CDH2: variants seen among roughly 807,000 people sequenced by gnomAD.
CDH2 encodes cadherin 2, also known as cadherin-2.
Under a neutral mutation model 92.0 loss-of-function variants are expected in CDH2, and 17 were observed. That is an observed-to-expected ratio of 0.18 (90% CI 0.13 to 0.28). The LOEUF (loss-of-function observed/expected upper bound fraction) is 0.28. Among genes scored for constraint, CDH2 ranks in the 10% least tolerant of loss-of-function variants. The probability of loss-of-function intolerance (pLI) is 1.00; values close to 1 mark genes in which losing one functional copy is unlikely to be tolerated. For missense variants in CDH2, 862 were observed against 1,133.1 expected (o/e 0.76, Z 3.44); for synonymous variants, 419 against 415.9 (o/e 1.01, Z -0.09).
chr18:28,166,718 G>GT (rs1345912024), intron 1 of CDH2, among the ~76,000 whole-genome samples: 4 of 152,198 alleles, frequency 2.6e-5, no homozygotes, highest in Admixed American at 2.6e-4. Context: ...ATCCACAAGT[G>GT]TAAGAAGATA....
At chr18:27,976,577 C>CA (rs1277013901) in intron 14 of CDH2, among the ~76,000 whole-genome samples, 4 of 152,150 alleles carry the variant, frequency 2.6e-5, no homozygotes, top group African/African-American at 7.2e-5. Flanking sequence ...CTGAGGCAGA[C>CA]AAAGATTTAA....
chr18:28,104,806 C>T (rs907338521), intron 2 of CDH2, among the ~76,000 whole-genome samples: 6 of 151,162 alleles, frequency 4.0e-5, no homozygotes, highest in South Asian at 2.1e-4. Flanking sequence ...AATGCTTTTT[C>T]GCCTACTGAA....
In CDH2 at chr18:28,086,498, CAG is replaced by C. The variant is rs543175299; in HGVS notation, c.172+61173_172+61174del. On this transcript the variant is annotated intron_variant, in intron 2 of 15. Transcript: ENST00000269141. ...AGACTGTGTACCTAACAAAAATCTTCAGAGTGTACTCGGGAAAAGAGACTATT... is the reference window on the plus strand; with the variant it reads ...AGACTGTGTACCTAACAAAAATCTTCAGTGTACTCGGGAAAAGAGACTATT... Among the ~76,000 whole-genome samples, 12 of 152,202 alleles carry C rather than the reference CAG, an allele frequency of 7.9e-5. No homozygotes were observed. The East Asian group carries it at 2.1e-3, about 27-fold the overall frequency.
intron 2 of CDH2, among the ~76,000 whole-genome samples, chr18:28,103,917 T>C (rs1294469295): frequency 6.6e-6 from 1 of 152,140 alleles, no homozygotes; most frequent in African/African-American, 2.4e-5. Context: ...TTTTAAATAC[T>C]ATTAATTTTT....
intron 2 of CDH2, among the ~76,000 whole-genome samples, chr18:28,080,071 C>T (rs756100010): frequency 6.6e-6 from 1 of 152,074 alleles, no homozygotes; most frequent in African/African-American, 2.4e-5. Flanking sequence ...GAAGAAGACA[C>T]AGTGCTGATA....
chr18:27,938,478 T>A (rs1358939925), intron 6 of CDH2, among the ~76,000 whole-genome samples: 1 of 152,200 alleles, frequency 6.6e-6, no homozygotes, highest in Non-Finnish European at 1.5e-5. Context: ...ATCTCTGACA[T>A]CAACATTTTA....
intron 5 of CDH2, among the ~76,000 whole-genome samples, chr18:28,006,260 G>A (rs889249438): frequency 7.9e-5 from 12 of 152,126 alleles, no homozygotes; most frequent in Admixed American, 6.5e-4. Flanking sequence ...GAGTGAGGCA[G>A]AAATTTTCAG....
chr18:28,129,012 G>A (rs1467988171), intron 2 of CDH2, among the ~76,000 whole-genome samples: 3 of 152,114 alleles, frequency 2.0e-5, no homozygotes. Context: ...ACACCCATAA[G>A]ATCTAAGTAC....
At chr18:27,960,048 A>AC (rs4071553) in intron 15 of CDH2, among the ~76,000 whole-genome samples, 38 of 150,956 alleles carry the variant, frequency 2.5e-4, no homozygotes, top group Middle Eastern at 3.4e-3. Flanking sequence ...ACACACACAC[A>AC]AACACACACT....
intron 4 of CDH2, among the ~76,000 whole-genome samples, chr18:28,010,774 AT>A (rs2013074816): frequency 6.6e-6 from 1 of 151,080 alleles, no homozygotes; most frequent in Non-Finnish European, 1.5e-5. Context: ...GGTTCATGCC[AT>A]TCTCCTGCCT....
intron 15 of CDH2, among the ~76,000 whole-genome samples, chr18:27,958,623 G>A (rs2011317469): frequency 6.6e-6 from 1 of 151,300 alleles, no homozygotes; most frequent in African/African-American, 2.4e-5. Context: ...GTATATATGT[G>A]TATATGTGAT....
intron 2 of CDH2, among the ~76,000 whole-genome samples, chr18:28,075,447 G>C (rs1452758764): frequency 6.6e-6 from 1 of 152,124 alleles, no homozygotes; most frequent in African/African-American, 2.4e-5. Context: ...AGAGTGCTCT[G>C]AACTATTGAA....
chr18:27,998,478 C>T (rs1012312300), intron 7 of CDH2, among the ~76,000 whole-genome samples: 8 of 152,142 alleles, frequency 5.3e-5, no homozygotes, highest in Non-Finnish European at 1.0e-4. Context: ...GAATCTGTAC[C>T]GTTAACCAAT....
rs758587741 is a variant in CDH2 at position 28,011,815 on chromosome 18, T to C, written c.546+31A>G. On this transcript the variant is annotated intron_variant, in intron 4 of 15. Transcript: ENST00000269141. Reference sequence around the variant, plus strand: ...TTTTTAACATACATTTGTCTTGTGGTATGAAAACAGTTAAAATTGTGCCAC... The same window carrying C: ...TTTTTAACATACATTTGTCTTGTGGCATGAAAACAGTTAAAATTGTGCCAC... 8.1e-6 allele frequency: 13 copies of C among 1,604,178 alleles called. No homozygotes were observed. The East Asian group carries it at 2.9e-4, about 36-fold the overall frequency.
At chr18:28,026,635 C>A (rs1238255433) in intron 2 of CDH2, among the ~76,000 whole-genome samples, 2 of 152,066 alleles carry the variant, frequency 1.3e-5, no homozygotes, top group African/African-American at 4.8e-5. Context: ...GCCTGGAGGG[C>A]AAATGCTGTC....
At chr18:28,102,232 G>A (rs2015238751) in intron 2 of CDH2, among the ~76,000 whole-genome samples, 1 of 151,974 alleles carries the variant, frequency 6.6e-6, no homozygotes, top group African/African-American at 2.4e-5. Flanking sequence ...AATTTTAGTA[G>A]AAAAAATCTT....
intron 2 of CDH2, among the ~76,000 whole-genome samples, chr18:28,103,681 G>C (rs960240084): frequency 6.6e-6 from 1 of 151,588 alleles, no homozygotes; most frequent in African/African-American, 2.4e-5. Flanking sequence ...GCCCCAGTGT[G>C]TGATGTTCCC....
At chr18:28,172,736 C>T (rs2016483195) in intron 1 of CDH2, among the ~76,000 whole-genome samples, 1 of 152,128 alleles carries the variant, frequency 6.6e-6, no homozygotes, top group African/African-American at 2.4e-5. Flanking sequence ...AACTTGATTA[C>T]TTTTTTGTAT....
Position 28,092,656 on chromosome 18 carries a change from C to T in CDH2, c.172+55017G>A, listed in dbSNP as rs17494565. Among the ~76,000 whole-genome samples the T allele has an allele frequency of 6.7e-3, 1,023 of 151,880 alleles. 17 individuals are homozygous for T. Among genetic ancestry groups the T allele is most frequent in the African/African-American group, 0.024 (980 of 41,472 alleles). On this transcript the variant is annotated intron_variant, in intron 2 of 15. Coordinates refer to ENST00000269141, the MANE Select transcript of CDH2 (RefSeq NM_001792.5). ...TTATTTTAAATAATATTATTTTGTACGGCAAAATCTTTGAAGAAACCACAG... is the reference window on the plus strand; with the variant it reads ...TTATTTTAAATAATATTATTTTGTATGGCAAAATCTTTGAAGAAACCACAG...
Sources: gnomAD v4.1 joint callset for allele counts (sites outside exome capture counted in the v4.1 genomes callset) on GRCh38, gnomAD v4.1.1 for gene constraint, MANE v1.5 for transcripts, NCBI Gene and HGNC (gene_info 2026-07-23, HGNC 2026-07-21) for gene names.